CDH12: variants seen among roughly 807,000 people sequenced by gnomAD.
CDH12 encodes the protein cadherin 12, also known as cadherin-12.
In CDH12, 41 loss-of-function variants were observed where a neutral mutation model predicts 74.1. That is an observed-to-expected ratio of 0.55 (90% CI 0.43 to 0.72). The LOEUF (loss-of-function observed/expected upper bound fraction) is 0.72. Among genes scored for constraint, CDH12 ranks in the 30% least tolerant of loss-of-function variants. The pLI, the probability that CDH12 is intolerant of heterozygous loss-of-function variation, is 0.00. For synonymous variants in CDH12, 399 were observed against 355.0 expected (o/e 1.12, Z -1.39); for missense variants, 945 against 977.2 (o/e 0.97, Z 0.44).
chr5:22,764,073 T>A (rs1746372304), intron 1 of CDH12, among the ~76,000 whole-genome samples: 2 of 140,600 alleles, frequency 1.4e-5, no homozygotes, highest in South Asian at 4.5e-4. Flanking sequence ...TAAATACACG[T>A]GCTTTTTACA....
At chr5:21,980,004 T>C (rs1489830792) in intron 5 of CDH12, among the ~76,000 whole-genome samples, 1 of 151,852 alleles carries the variant, frequency 6.6e-6, no homozygotes, top group Admixed American at 6.6e-5. Context: ...TGGTATCTCA[T>C]AGTGGTTTTG....
chr5:22,634,558 T>C (rs1349543116), intron 1 of CDH12, among the ~76,000 whole-genome samples: 1 of 152,136 alleles, frequency 6.6e-6, no homozygotes, highest in African/African-American at 2.4e-5. Flanking sequence ...TATGAATGTA[T>C]TTGGTGTTAC....
intron 4 of CDH12, among the ~76,000 whole-genome samples, chr5:22,098,602 CAT>C (rs1743942908): frequency 6.6e-6 from 1 of 152,218 alleles, no homozygotes; most frequent in Non-Finnish European, 1.5e-5. Flanking sequence ...CCACCTGACA[CAT>C]ATACTTTCTG....
At chr5:21,915,049 C>A (rs944472833) in intron 6 of CDH12, among the ~76,000 whole-genome samples, 1 of 152,112 alleles carries the variant, frequency 6.6e-6, no homozygotes, top group African/African-American at 2.4e-5. Flanking sequence ...AGGCAGAAAC[C>A]TAGAAACGAA....
At chr5:21,835,511 A>G (rs1749482389) in intron 8 of CDH12, among the ~76,000 whole-genome samples, 1 of 151,760 alleles carries the variant, frequency 6.6e-6, no homozygotes, top group Non-Finnish European at 1.5e-5. Context: ...TTATATGGTA[A>G]AATGTAACTG....
chr5:22,198,412 T>A (rs1750741461), intron 4 of CDH12, among the ~76,000 whole-genome samples: 1 of 152,164 alleles, frequency 6.6e-6, no homozygotes, highest in Non-Finnish European at 1.5e-5. Context: ...TATCTGACAA[T>A]GTTAGAAACA....
chr5:22,460,966 C>G (rs1745488435), intron 2 of CDH12, among the ~76,000 whole-genome samples: 2 of 149,882 alleles, frequency 1.3e-5, no homozygotes, highest in South Asian at 4.2e-4. Context: ...GGTGATCCAC[C>G]TGCCTCGGCC....
rs372201896 is a variant in CDH12, at chr5:22,551,456, G to A, written c.-522-46092C>T. Among the ~76,000 whole-genome samples the A allele has an allele frequency of 2.0e-5, 3 of 152,248 alleles. No individual in the cohort carries two copies. The South Asian group carries it at 6.2e-4, about 32-fold the overall frequency. On this transcript the variant is annotated intron_variant, in intron 1 of 14. Transcript: ENST00000382254. ...GACAAGCTCAGATCAGGCAGGTGTG[G>A]TTGCTACCCAACCTTCACATGGCCC...
At chr5:22,712,111 G>A (rs1743320232) in intron 1 of CDH12, among the ~76,000 whole-genome samples, 1 of 151,928 alleles carries the variant, frequency 6.6e-6, no homozygotes, top group Non-Finnish European at 1.5e-5. Context: ...AGTAAGTGGT[G>A]TTATAGGTAT....
chr5:22,164,409 C>T (rs1748556073), intron 4 of CDH12, among the ~76,000 whole-genome samples: 2 of 152,160 alleles, frequency 1.3e-5, no homozygotes, highest in African/African-American at 2.4e-5. Flanking sequence ...CGACAGTGGG[C>T]GCCTCGCTGA....
intron 1 of CDH12, among the ~76,000 whole-genome samples, chr5:22,755,003 C>T (rs929037406): frequency 6.6e-6 from 1 of 152,068 alleles, no homozygotes; most frequent in South Asian, 2.1e-4. Flanking sequence ...TTTTCTATGT[C>T]ACTTACAAAC....
intron 8 of CDH12, among the ~76,000 whole-genome samples, chr5:21,823,501 T>C (rs1235126763): frequency 6.6e-6 from 1 of 152,132 alleles, no homozygotes; most frequent in Non-Finnish European, 1.5e-5. Context: ...TGATGATAAT[T>C]ATCTTCCTTC....
intron 6 of CDH12, among the ~76,000 whole-genome samples, chr5:21,933,807 G>A (rs564815237): frequency 6.6e-6 from 1 of 152,282 alleles, no homozygotes; most frequent in African/African-American, 2.4e-5. Flanking sequence ...AGAGGAGGTG[G>A]AGGAGAAGCG....
At chr5:22,713,178 C>T (rs1331944072) in intron 1 of CDH12, among the ~76,000 whole-genome samples, 1 of 141,334 alleles carries the variant, frequency 7.1e-6, no homozygotes, top group Non-Finnish European at 1.5e-5. Context: ...GTCTTGCTCT[C>T]CCGCCCATCT....
intron 2 of CDH12, among the ~76,000 whole-genome samples, chr5:22,420,577 C>G (rs893161822): frequency 1.3e-5 from 2 of 152,066 alleles, no homozygotes; most frequent in African/African-American, 4.8e-5. Flanking sequence ...TTACTCTTGC[C>G]TTATAGTATA....
chr5:22,035,386 G>A (rs4422497), intron 5 of CDH12, among the ~76,000 whole-genome samples: 33,514 of 149,358 alleles, frequency 0.22, 3,747 homozygotes, highest in South Asian at 0.34. Flanking sequence ...TCTGGCCTGT[G>A]TATATATATA....
chr5:22,069,293 C>T (rs1741780948), intron 5 of CDH12, among the ~76,000 whole-genome samples: 1 of 152,202 alleles, frequency 6.6e-6, no homozygotes, highest in South Asian at 2.1e-4. Context: ...GTGAAATAGC[C>T]TTGTGAAGCC....
In CDH12 at chr5:21,892,977, A is replaced by G. The variant is rs111861032; in HGVS notation, c.527-38187T>C. Among the ~76,000 whole-genome samples, 120 of 152,260 alleles carry G rather than the reference A, an allele frequency of 7.9e-4. 2 individuals are homozygous for G. Among genetic ancestry groups the G allele is most frequent in the African/African-American group, 2.6e-3 (109 of 41,548 alleles). ...ACCAGCAAAGCTTCACGTACAACTA[A>G]CTGGTCTTGCTCTTGATAGAAGGAT... On this transcript the variant is annotated intron_variant, in intron 6 of 14. Coordinates refer to ENST00000382254, the MANE Select transcript of CDH12 (RefSeq NM_004061.5).
intron 3 of CDH12, among the ~76,000 whole-genome samples, chr5:22,399,591 G>C (rs1250155117): frequency 6.6e-6 from 1 of 152,056 alleles, no homozygotes; most frequent in East Asian, 1.9e-4. Flanking sequence ...AGAGGCCATA[G>C]AGAACAATGA....
Sources: allele counts gnomAD v4.1 joint callset (sites outside exome capture counted in the v4.1 genomes callset), GRCh38; gene constraint gnomAD v4.1.1; transcripts MANE v1.5; gene names NCBI Gene and HGNC (gene_info 2026-07-23, HGNC 2026-07-21).